The following CFAP299 variants were observed in gnomAD, a reference collection of about 807,000 sequenced individuals.
CFAP299 encodes cilia- and flagella-associated protein 299.
A neutral mutation model predicts 27.0 loss-of-function variants in CFAP299; 21 were observed. That is an observed-to-expected ratio of 0.78 (90% CI 0.55 to 1.12). The LOEUF (loss-of-function observed/expected upper bound fraction) is 1.12. CFAP299 is among the 50% of genes most tolerant of loss of function. CFAP299 has a pLI of 0.00. For synonymous variants in CFAP299, 104 were observed against 98.1 expected (o/e 1.06, Z -0.36); for missense variants, 310 against 276.6 (o/e 1.12, Z -0.86).
At chr4:80,817,124 G>A (rs1443590438) in intron 3 of CFAP299, among the ~76,000 whole-genome samples, 2 of 152,052 alleles carry the variant, frequency 1.3e-5, no homozygotes, top group African/African-American at 4.8e-5. Context: ...TGCAGTGACG[G>A]TGAGGTTGGG....
chr4:80,756,070 T>C (rs1321013620), intron 3 of CFAP299, among the ~76,000 whole-genome samples: 1 of 152,136 alleles, frequency 6.6e-6, no homozygotes, highest in African/African-American at 2.4e-5. Context: ...TCCTTTGCTT[T>C]ACATTTTAGG....
At chr4:80,483,775 A>C (rs1372528116) in intron 2 of CFAP299, among the ~76,000 whole-genome samples, 1 of 152,280 alleles carries the variant, frequency 6.6e-6, no homozygotes, top group Non-Finnish European at 1.5e-5. Context: ...CAGACCTTTC[A>C]ATTTTTGTTG....
At chr4:80,942,438 T>A (rs1295304061) in intron 4 of CFAP299, among the ~76,000 whole-genome samples, 2 of 152,128 alleles carry the variant, frequency 1.3e-5, no homozygotes, top group Non-Finnish European at 2.9e-5. Context: ...TTCATTAGAC[T>A]TATAACGGTA....
intron 4 of CFAP299, among the ~76,000 whole-genome samples, chr4:80,944,348 C>T (rs1475015227): frequency 2.0e-5 from 3 of 151,806 alleles, no homozygotes; most frequent in African/African-American, 7.3e-5. Flanking sequence ...ATAGTTTCCT[C>T]ACTCCCTGAG....
At chr4:80,494,084 T>C (rs1731304684) in intron 2 of CFAP299, among the ~76,000 whole-genome samples, 1 of 152,300 alleles carries the variant, frequency 6.6e-6, no homozygotes, top group East Asian at 1.9e-4. Context: ...CTCTATCTCA[T>C]ATTCTTGAAG....
chr4:80,495,316 T>C (rs1184586992), intron 2 of CFAP299, among the ~76,000 whole-genome samples: 1 of 152,210 alleles, frequency 6.6e-6, no homozygotes, highest in East Asian at 1.9e-4. Context: ...ATTTTGCCTA[T>C]ATATTTAAAA....
rs183588942 is a variant in CFAP299, at chr4:80,467,756, G to A, written c.242+104872G>A. Among the ~76,000 whole-genome samples the A allele has an allele frequency of 5.1e-3, 772 of 152,288 alleles. 4 individuals carry two copies. Among genetic ancestry groups the A allele is most frequent in the Middle Eastern group, 0.017 (5 of 294 alleles). ...TACCTAAGGCTGGGTAATTTATAAA[G>A]GAAAGAGGTTTAATTTACTCAGTTC... On this transcript the variant is annotated intron_variant, in intron 2 of 5. Transcript: ENST00000358105.
intron 3 of CFAP299, among the ~76,000 whole-genome samples, chr4:80,671,373 TG>T (rs1456433190): frequency 6.6e-6 from 1 of 152,242 alleles, no homozygotes; most frequent in East Asian, 1.9e-4. Flanking sequence ...ACCAGTACCA[TG>T]CTGTTTTGGT....
At chr4:80,328,238 A>G in the CFAP299 span, among the ~76,000 whole-genome samples, 1 of 151,964 alleles carries the variant, frequency 6.6e-6, no homozygotes. Flanking sequence ...GAAACAAAAC[A>G]TGGGGTCAAA....
In CFAP299 at chr4:80,690,978, C is replaced by T. The variant is rs1222364334; in HGVS notation, c.333+107795C>T. On this transcript the variant is annotated intron_variant, in intron 3 of 5. Coordinates refer to ENST00000358105, the MANE Select transcript of CFAP299 (RefSeq NM_152770.3). ...TAAATTCCTTGACACATACACTATC[C>T]CAAGACTAAACCAGGAAGAAGTTGA... 8.8e-5 allele frequency among the ~76,000 whole-genome samples: 13 copies of T among 148,418 alleles called. No homozygotes were observed. In the East Asian group the frequency reaches 2.6e-3, roughly 29 times the overall value.
At chr4:80,843,552 G>A (rs934344975) in intron 3 of CFAP299, among the ~76,000 whole-genome samples, 1 of 152,074 alleles carries the variant, frequency 6.6e-6, no homozygotes, top group Non-Finnish European at 1.5e-5. Flanking sequence ...GTGTGCATGT[G>A]TCTTTATAGC....
At position 80,963,547 on chromosome 4, in the gene CFAP299, A is replaced by T; in HGVS notation, c.637A>T (p.Thr213Ser). 6.2e-7 allele frequency: 1 copy of T among 1,608,152 alleles called. No homozygotes were observed. Among genetic ancestry groups the T allele is most frequent in the South Asian group, 1.1e-5 (1 of 90,130 alleles). The change falls in exon 6 of 6, where the codon ACT becomes TCT. Residue 213 changes from threonine to serine, a missense_variant. Transcript: ENST00000358105. ...AQPGDNSTRI[T>S]ILTELYVQAV... is the part of the protein sequence containing the mutation. The stretch of plus-strand genomic sequence containing the variant: ...GCCAGGTGACAACTCTACTAGAATC[A>T]CTATCCTGACAGAACTCTACGTACA...
chr4:80,737,541 C>T (rs4459984), intron 3 of CFAP299, among the ~76,000 whole-genome samples: 16,575 of 151,886 alleles, frequency 0.11, 1,090 homozygotes, highest in Middle Eastern at 0.2. Context: ...GAACTTAATA[C>T]ATTTCTTCTA....
intron 2 of CFAP299, among the ~76,000 whole-genome samples, chr4:80,544,571 TATGTC>T (rs1434837167): frequency 6.6e-6 from 1 of 152,148 alleles, no homozygotes. Context: ...TTGCTATTCT[TATGTC>T]AGATAAAACA....
intron 3 of CFAP299, among the ~76,000 whole-genome samples, chr4:80,688,101 C>G (rs987326471): frequency 6.6e-6 from 1 of 152,202 alleles, no homozygotes; most frequent in Non-Finnish European, 1.5e-5. Context: ...AAGACGGCAG[C>G]GAGGCTGGGG....
chr4:80,834,016 G>A (rs768229286), intron 3 of CFAP299, among the ~76,000 whole-genome samples: 11 of 152,192 alleles, frequency 7.2e-5, no homozygotes, highest in Non-Finnish European at 1.5e-4. Flanking sequence ...AAAAGGTGAA[G>A]TTCCTTAAAT....
chr4:80,552,162 C>A (rs938068389), intron 2 of CFAP299, among the ~76,000 whole-genome samples: 56 of 152,130 alleles, frequency 3.7e-4, no homozygotes, highest in Admixed American at 3.6e-3. Context: ...AGTTTGTTTT[C>A]TTTATTGGGA....
chr4:80,775,071 TAA>T (rs369851677), intron 3 of CFAP299, among the ~76,000 whole-genome samples: 86 of 141,470 alleles, frequency 6.1e-4, no homozygotes, highest in African/African-American at 2.0e-3. Flanking sequence ...AATAAAAAAA[TAA>T]AAAAAAAAGA....
At chr4:80,851,530 T>A (rs1731521531) in intron 3 of CFAP299, among the ~76,000 whole-genome samples, 1 of 152,080 alleles carries the variant, frequency 6.6e-6, no homozygotes, top group Non-Finnish European at 1.5e-5. Context: ...AAAGAAGGAA[T>A]GATTGCCTTT....
Sources: gnomAD v4.1 joint callset for allele counts (sites outside exome capture counted in the v4.1 genomes callset) on GRCh38, gnomAD v4.1.1 for gene constraint, MANE v1.5 for transcripts, NCBI Gene and HGNC (gene_info 2026-07-23, HGNC 2026-07-21) for gene names.